FAM168A: variants seen among roughly 807,000 people sequenced by gnomAD.
FAM168A encodes the protein family with sequence similarity 168 member A.
A neutral mutation model predicts 28.5 loss-of-function variants in FAM168A; 3 were observed. That is an observed-to-expected ratio of 0.11 (90% CI 0.05 to 0.27). The LOEUF (loss-of-function observed/expected upper bound fraction) is 0.27, where lower values mean the gene tolerates loss of function less well. Among genes scored for constraint, FAM168A ranks in the 10% least tolerant of loss-of-function variants. The pLI, the probability that FAM168A is intolerant of heterozygous loss-of-function variation, is 1.00. For synonymous variants in FAM168A, 122 were observed against 124.2 expected (o/e 0.98, Z 0.12); for missense variants, 222 against 311.5 (o/e 0.71, Z 2.16).
At chr11:73,483,615 G>A (rs547641006) in intron 1 of FAM168A, among the ~76,000 whole-genome samples, 1 of 152,294 alleles carries the variant, frequency 6.6e-6, no homozygotes, top group East Asian at 1.9e-4. Context: ...AACTAGAAAG[G>A]AAAGCTAAAA....
intron 5 of FAM168A, among the ~76,000 whole-genome samples, chr11:73,410,998 G>C (rs906223911): frequency 1.3e-5 from 2 of 152,216 alleles, no homozygotes; most frequent in African/African-American, 4.8e-5. Context: ...GGGTAGATGT[G>C]GGGGTTAGGG....
At chr11:73,488,654 G>A (rs898890242) in intron 1 of FAM168A, among the ~76,000 whole-genome samples, 4 of 152,050 alleles carry the variant, frequency 2.6e-5, no homozygotes, top group Admixed American at 6.6e-5. Context: ...TCCTATCACC[G>A]TGGATGAACA....
intron 4 of FAM168A, among the ~76,000 whole-genome samples, chr11:73,416,552 A>G (rs1019839198): frequency 6.6e-6 from 1 of 152,226 alleles, no homozygotes; most frequent in African/African-American, 2.4e-5. Context: ...TGAATTTGTC[A>G]AAGTGCCCTG....
chr11:73,454,243 G>T (rs767482228), intron 2 of FAM168A, among the ~76,000 whole-genome samples: 72 of 152,188 alleles, frequency 4.7e-4, no homozygotes, highest in Non-Finnish European at 1.9e-4. Flanking sequence ...TCAGCCAGCT[G>T]ATTTATAATA....
intron 1 of FAM168A, among the ~76,000 whole-genome samples, chr11:73,501,591 C>T (rs1855011425): frequency 6.6e-6 from 1 of 152,158 alleles, no homozygotes; most frequent in Non-Finnish European, 1.5e-5. Context: ...TGAATGACTC[C>T]TGGGTAAATA....
At chr11:73,526,224 A>AT (rs1271359749) in intron 1 of FAM168A, among the ~76,000 whole-genome samples, 1 of 152,260 alleles carries the variant, frequency 6.6e-6, no homozygotes, top group Non-Finnish European at 1.5e-5. Context: ...TCACAGAACT[A>AT]TAAATGGCCA....
chr11:73,504,388 A>G (rs1855067654), intron 1 of FAM168A, among the ~76,000 whole-genome samples: 1 of 152,252 alleles, frequency 6.6e-6, no homozygotes, highest in South Asian at 2.1e-4. Flanking sequence ...TACGTGGCCA[A>G]CAAACATGAA....
chr11:73,592,802 G>A (rs1403311284), intron 1 of FAM168A, among the ~76,000 whole-genome samples: 1 of 151,690 alleles, frequency 6.6e-6, no homozygotes, highest in Non-Finnish European at 1.5e-5. Context: ...GCCTGCATTT[G>A]TAAGCACTTT....
At chr11:73,543,635 A>C (rs2080119744) in intron 1 of FAM168A, among the ~76,000 whole-genome samples, 1 of 152,146 alleles carries the variant, frequency 6.6e-6, no homozygotes, top group Admixed American at 6.5e-5. Context: ...TTCTTTGAAA[A>C]TGGCCATTTT....
At chr11:73,495,646 A>G (rs746641720) in intron 1 of FAM168A, among the ~76,000 whole-genome samples, 36 of 152,240 alleles carry the variant, frequency 2.4e-4, no homozygotes, top group Non-Finnish European at 4.6e-4. Context: ...AAGATATACA[A>G]ATGACCAACA....
intron 1 of FAM168A, among the ~76,000 whole-genome samples, chr11:73,525,700 C>T (rs890138460): frequency 1.3e-5 from 2 of 152,190 alleles, no homozygotes; most frequent in African/African-American, 4.8e-5. Flanking sequence ...CCTCTGCAGC[C>T]TAAGTTTTCT....
intron 1 of FAM168A, among the ~76,000 whole-genome samples, chr11:73,488,434 T>C (rs946049838): frequency 1.3e-5 from 2 of 152,192 alleles, no homozygotes; most frequent in Non-Finnish European, 2.9e-5. Flanking sequence ...CCCAGCCTCA[T>C]GTCGGTTCTA....
intron 2 of FAM168A, among the ~76,000 whole-genome samples, chr11:73,465,435 G>A (rs990293912): frequency 5.3e-5 from 8 of 152,038 alleles, no homozygotes; most frequent in Non-Finnish European, 1.2e-4. Context: ...CTAGGTAAAG[G>A]GTATTCAAGT....
intron 1 of FAM168A, among the ~76,000 whole-genome samples, chr11:73,546,163 G>A (rs946333305): frequency 6.6e-6 from 1 of 152,130 alleles, no homozygotes; most frequent in Non-Finnish European, 1.5e-5. Flanking sequence ...ACCACAGATT[G>A]AGAGAATGTT....
chr11:73,546,189 T>C (rs1043092693), intron 1 of FAM168A, among the ~76,000 whole-genome samples: 1 of 152,186 alleles, frequency 6.6e-6, no homozygotes, highest in Non-Finnish European at 1.5e-5. Flanking sequence ...AAGTTATATA[T>C]CTAAGATCCT....
intron 1 of FAM168A, among the ~76,000 whole-genome samples, chr11:73,548,653 G>T (rs371553094): frequency 3.0e-4 from 45 of 152,140 alleles, no homozygotes; most frequent in East Asian, 2.7e-3. Context: ...ATTTTTTTGT[G>T]TGTGTGTGAA....
intron 3 of FAM168A, chr11:73,430,456 T>C (rs557474681): frequency 4.2e-6 from 2 of 477,862 alleles, no homozygotes; most frequent in East Asian, 4.2e-5. Flanking sequence ...CATTCCAGCA[T>C]AGGACAGATG....
At chr11:73,453,664 G>A (rs2134550756) in intron 2 of FAM168A, among the ~76,000 whole-genome samples, 1 of 152,316 alleles carries the variant, frequency 6.6e-6, no homozygotes, top group South Asian at 2.1e-4. Context: ...GGAAACTGAG[G>A]CCATTGGAAG....
At chr11:73,539,613 C>T (rs1041708170) in intron 1 of FAM168A, among the ~76,000 whole-genome samples, 1 of 152,166 alleles carries the variant, frequency 6.6e-6, no homozygotes, top group African/African-American at 2.4e-5. Context: ...CTCCTTCTAG[C>T]TACACTCTCA....
Sources: gnomAD v4.1 joint callset for allele counts (sites outside exome capture counted in the v4.1 genomes callset) on GRCh38, gnomAD v4.1.1 for gene constraint, MANE v1.5 for transcripts, NCBI Gene and HGNC (gene_info 2026-07-23, HGNC 2026-07-21) for gene names.